The following SESN1 variants were observed in gnomAD, a reference collection of about 807,000 sequenced individuals.
The protein encoded by SESN1 is sestrin 1, also known as sestrin-1.
SESN1 carries 30 observed loss-of-function variants against 59.3 expected under a neutral mutation model. The ratio of observed to expected loss-of-function variants is 0.51; its 90% CI spans 0.38 to 0.69. The LOEUF (loss-of-function observed/expected upper bound fraction) is 0.69. Ranked by LOEUF, SESN1 falls within the 30% of genes least tolerant of loss-of-function variation. The pLI, the probability that SESN1 is intolerant of heterozygous loss-of-function variation, is 0.00. For missense variants in SESN1, 566 were observed against 673.0 expected (o/e 0.84, Z 1.76); for synonymous variants, 197 against 219.9 (o/e 0.90, Z 0.92).
chr6:109,088,437 A>G (rs762667381), intron 1 of SESN1, among the ~76,000 whole-genome samples: 3 of 151,992 alleles, frequency 2.0e-5, no homozygotes, highest in Non-Finnish European at 4.4e-5. Flanking sequence ...TAACAGCTAT[A>G]AATGTGCATC....
At chr6:108,996,139 A>G (rs755524538) in intron 5 of SESN1, among the ~76,000 whole-genome samples, 1 of 152,262 alleles carries the variant, frequency 6.6e-6, no homozygotes, top group Non-Finnish European at 1.5e-5. Flanking sequence ...CAAGCCTAGC[A>G]TAGTACCTGG....
At chr6:109,086,969 TAAAAATAG>T (rs1781222971) in intron 1 of SESN1, among the ~76,000 whole-genome samples, 1 of 151,790 alleles carries the variant, frequency 6.6e-6, no homozygotes, top group African/African-American at 2.4e-5. Context: ...CTGTCTCCAC[TAAAAATAG>T]AAAAATTAGC....
At chr6:109,009,440 CGCG>C in intron 1 of SESN1, 1 of 1,368,250 alleles carries the variant, frequency 7.3e-7, no homozygotes, top group South Asian at 1.7e-5. Context: ...ACGCCTCGTT[CGCG>C]GCGGCGGCCA....
intron 1 of SESN1, among the ~76,000 whole-genome samples, chr6:109,055,432 G>T (rs1780613148): frequency 6.6e-6 from 1 of 152,136 alleles, no homozygotes; most frequent in African/African-American, 2.4e-5. Flanking sequence ...AGGGGCTGAG[G>T]TGGGTGGATC....
intron 1 of SESN1, among the ~76,000 whole-genome samples, chr6:109,077,332 G>C (rs1204257728): frequency 6.6e-6 from 1 of 152,090 alleles, no homozygotes; most frequent in Non-Finnish European, 1.5e-5. Context: ...TAAGAACAGA[G>C]ACTTAGAAAT....
intron 3 of SESN1, 60 bp from the exon 4 acceptor site, chr6:109,000,733 T>C: frequency 1.6e-6 from 2 of 1,285,574 alleles, no homozygotes; most frequent in Non-Finnish European, 2.0e-6. Context: ...CATATCCTTT[T>C]TATTTACAAC....
At chr6:109,015,825 ATAC>A (rs1346114056) in intron 1 of SESN1, among the ~76,000 whole-genome samples, 3 of 152,224 alleles carry the variant, frequency 2.0e-5, no homozygotes, top group East Asian at 3.8e-4. Context: ...CAGACTGAAT[ATAC>A]TCTGTGTTGT....
chr6:109,052,736 C>CA (rs1780560719), intron 1 of SESN1, among the ~76,000 whole-genome samples: 1 of 152,118 alleles, frequency 6.6e-6, no homozygotes, highest in Admixed American at 6.6e-5. Context: ...GGCTTAAAGG[C>CA]AAAACTATAC....
rs375514358 is a variant in SESN1, at chr6:108,989,017, T to C, written c.1425-330A>G. Among the ~76,000 whole-genome samples, 12 of 152,304 alleles carry C rather than the reference T, an allele frequency of 7.9e-5. No individual in the cohort carries two copies. In the South Asian group the frequency reaches 2.3e-3, roughly 29 times the overall value. On this transcript the variant is annotated intron_variant, in intron 8 of 9. Coordinates refer to ENST00000436639, the MANE Select transcript of SESN1 (RefSeq NM_014454.3). The stretch of plus-strand genomic sequence containing the variant: ...GTAGCCACACTGAGGAACAAACTAT[T>C]ATTGAGACGGAGTCTTGCCCTGTCG...
intron 1 of SESN1, among the ~76,000 whole-genome samples, chr6:109,039,352 C>T (rs145810792): frequency 6.6e-6 from 1 of 152,348 alleles, no homozygotes; most frequent in African/African-American, 2.4e-5. Flanking sequence ...ATCTTACATT[C>T]TCAAACATGA....
intron 1 of SESN1, among the ~76,000 whole-genome samples, chr6:109,073,947 G>A (rs1294754968): frequency 3.9e-5 from 6 of 152,124 alleles, no homozygotes; most frequent in African/African-American, 7.2e-5. Flanking sequence ...AGAGATAACC[G>A]CTATTAGTAT....
chr6:108,988,999 C>T (rs576113884), intron 8 of SESN1, among the ~76,000 whole-genome samples: 1 of 152,268 alleles, frequency 6.6e-6, no homozygotes, highest in Non-Finnish European at 1.5e-5. Context: ...CACGTAGCCA[C>T]ACTGAGGAAC....
chr6:109,056,494 C>G (rs2114449559), intron 1 of SESN1, among the ~76,000 whole-genome samples: 1 of 152,260 alleles, frequency 6.6e-6, no homozygotes, highest in South Asian at 2.1e-4. Flanking sequence ...GCAATACAGG[C>G]AAATTAAAAG....
chr6:109,038,766 G>A (rs1583282014), intron 1 of SESN1, among the ~76,000 whole-genome samples: 1 of 152,256 alleles, frequency 6.6e-6, no homozygotes, highest in South Asian at 2.1e-4. Flanking sequence ...TTAAGTGTAT[G>A]AATGAGGTAA....
intron 1 of SESN1, 105 bp from the exon 2 acceptor site, chr6:109,002,448 G>A (rs1779647475): frequency 1.2e-6 from 1 of 825,972 alleles, no homozygotes; most frequent in South Asian, 1.5e-5. Context: ...AGACAGGCTT[G>A]TTTTGATGGT....
intron 5 of SESN1, 98 bp from the exon 6 acceptor site, chr6:108,994,707 T>C (rs1172489053): frequency 9.0e-7 from 1 of 1,115,196 alleles, no homozygotes; most frequent in African/African-American, 1.7e-5. Flanking sequence ...TCTTTTTTTT[T>C]TTTTTTTTTT....
chr6:109,014,248 T>TTAAA (rs1272926199), intron 1 of SESN1, among the ~76,000 whole-genome samples: 1 of 152,210 alleles, frequency 6.6e-6, no homozygotes. Context: ...AATCAATGTG[T>TTAAA]TAAATAACGG....
At chr6:109,075,878 G>A (rs1583297285) in intron 1 of SESN1, among the ~76,000 whole-genome samples, 1 of 152,160 alleles carries the variant, frequency 6.6e-6, no homozygotes, top group Non-Finnish European at 1.5e-5. Context: ...GACCCCAGAG[G>A]GAATGACTCT....
At chr6:109,005,095 C>G (rs889653547) in intron 1 of SESN1, among the ~76,000 whole-genome samples, 1 of 152,188 alleles carries the variant, frequency 6.6e-6, no homozygotes, top group African/African-American at 2.4e-5. Context: ...GATGTGCTCA[C>G]ATTTGTGAAA....
Sources: allele counts gnomAD v4.1 joint callset (sites outside exome capture counted in the v4.1 genomes callset), GRCh38; gene constraint gnomAD v4.1.1; transcripts MANE v1.5; gene names NCBI Gene and HGNC (gene_info 2026-07-23, HGNC 2026-07-21).